The following ABCC4 variants were observed in gnomAD, a reference collection of about 807,000 sequenced individuals.
ABCC4 encodes ATP-binding cassette sub-family C member 4.
In ABCC4, 102 loss-of-function variants were observed where a neutral mutation model predicts 168.5. The observed-to-expected ratio is 0.61, with a 90% CI of 0.52 to 0.71. The LOEUF (loss-of-function observed/expected upper bound fraction) is 0.71. Among genes scored for constraint, ABCC4 ranks in the 30% least tolerant of loss-of-function variants. ABCC4 has a pLI of 0.00. For missense variants in ABCC4, 1,402 were observed against 1,605.8 expected, an observed-to-expected ratio of 0.87 and a Z score of 2.17; for synonymous variants, 617 against 590.7, an observed-to-expected ratio of 1.04 and a Z score of -0.65.
chr13:95,125,732 G>GC (rs2035736427), intron 19 of ABCC4, among the ~76,000 whole-genome samples: 1 of 152,138 alleles, frequency 6.6e-6, no homozygotes, highest in Admixed American at 6.5e-5. Flanking sequence ...CTGATAAATT[G>GC]CCTCGGGAAA....
chr13:95,184,324 C>G (rs890486025), intron 11 of ABCC4, among the ~76,000 whole-genome samples: 1 of 152,180 alleles, frequency 6.6e-6, no homozygotes, highest in Non-Finnish European at 1.5e-5. Flanking sequence ...AGAAGCTGAA[C>G]AGGTAAAAAG....
At chr13:95,052,515 T>C (rs1356576813) in intron 27 of ABCC4, among the ~76,000 whole-genome samples, 4 of 152,120 alleles carry the variant, frequency 2.6e-5, no homozygotes, top group Non-Finnish European at 5.9e-5. Flanking sequence ...ACATAAATAA[T>C]AGAAAAATCC....
rs185000303 is a variant in ABCC4 at position 95,263,778 on chromosome 13, G to A, written c.75-16025C>T. Among the ~76,000 whole-genome samples the A allele has an allele frequency of 5.1e-3, 767 of 151,592 alleles. 5 individuals are homozygous for A. Among genetic ancestry groups the A allele is most frequent in the Middle Eastern group, 0.017 (5 of 294 alleles). On this transcript the variant is annotated intron_variant, in intron 1 of 30. Transcript: ENST00000645237. ...GCAGAGGTTACAGTGAGCCGAGATC[G>A]TGCCACTGTACTTCAGCCTGGGTAA...
At position 95,252,075 on chromosome 13, in the gene ABCC4, A is replaced by G. The variant is rs7982900; in HGVS notation, c.75-4322T>C. Among the ~76,000 whole-genome samples the G allele has an allele frequency of 7.3e-3, 1,118 of 152,156 alleles. 13 individuals are homozygous for G. The highest frequency in any genetic ancestry group is 0.025 in the African/African-American group (1,031 of 41,508). ...TCAGATCTATTGTCATGGCATCACA[A>G]TACTGGTGTTCAAGTCACCCTTATT... On this transcript the variant is annotated intron_variant, in intron 1 of 30. Coordinates refer to ENST00000645237, the MANE Select transcript of ABCC4 (RefSeq NM_005845.5).
chr13:95,292,203 T>C (rs2041420739), intron 1 of ABCC4, among the ~76,000 whole-genome samples: 1 of 151,738 alleles, frequency 6.6e-6, no homozygotes, highest in East Asian at 1.9e-4. Flanking sequence ...ACAAAAAATA[T>C]AAAAAATTAG....
intron 4 of ABCC4, 22 bp from the exon 5 acceptor site, chr13:95,210,803 G>A: frequency 3.2e-6 from 5 of 1,583,584 alleles, no homozygotes; most frequent in Non-Finnish European, 4.3e-6. Context: ...GAGGTAAGTA[G>A]AGAATTGTAT....
intron 20 of ABCC4, among the ~76,000 whole-genome samples, chr13:95,085,427 G>A (rs748928325): frequency 2.0e-5 from 3 of 152,124 alleles, no homozygotes; most frequent in Admixed American, 2.0e-4. Context: ...ACGAGAAAGT[G>A]AGACTACATC....
chr13:95,119,095 T>A (rs1200456629), intron 19 of ABCC4, among the ~76,000 whole-genome samples: 1 of 152,214 alleles, frequency 6.6e-6, no homozygotes, highest in Non-Finnish European at 1.5e-5. Flanking sequence ...CTAGGTATTA[T>A]CTGCATATCT....
chr13:95,200,262 C>CA (rs1476647389), intron 8 of ABCC4, among the ~76,000 whole-genome samples: 1 of 152,110 alleles, frequency 6.6e-6, no homozygotes, highest in African/African-American at 2.4e-5. Context: ...TAGCATAGAC[C>CA]AAAACAGGTG....
intron 30 of ABCC4, among the ~76,000 whole-genome samples, chr13:95,028,843 A>G (rs2031672341): frequency 6.6e-6 from 1 of 152,126 alleles, no homozygotes; most frequent in African/African-American, 2.4e-5. Context: ...CAGAGTGGAA[A>G]AAGTATAAAT....
intron 25 of ABCC4, among the ~76,000 whole-genome samples, chr13:95,064,472 C>G (rs920959604): frequency 6.2e-5 from 9 of 144,814 alleles, no homozygotes; most frequent in Admixed American, 4.2e-4. Flanking sequence ...TATATTTTGT[C>G]TCTCTCACAC....
chr13:95,232,656 G>A (rs1406455643), intron 4 of ABCC4, among the ~76,000 whole-genome samples: 3 of 148,004 alleles, frequency 2.0e-5, no homozygotes, highest in Admixed American at 6.8e-5. Context: ...CAGCCTGGGC[G>A]ACAGAGCAAG....
rs1281593812 is a variant in ABCC4 at position 95,083,236 on chromosome 13, T to C, written c.2590A>G (p.Ile864Val). The change falls in exon 21 of 31, where the codon ATC becomes GTC. Residue 864 changes from isoleucine to valine, a missense_variant. Physicochemically the swap from Ile to Val is conservative, Grantham distance 29. Around this residue, in one of 3 missense-constraint regions of ABCC4, gnomAD observed 1,007 missense variants for 1,127.3 expected, o/e 0.89. Coordinates refer to ENST00000645237, the MANE Select transcript of ABCC4 (RefSeq NM_005845.5). ...CCAAGGGGAACCAAGGGTATTGCGA[T>C]CCAAGGAATCACGGCCACAGCCACA... ...VSVAVAVIPW[I>V]AIPLVPLGII... The C allele has an allele frequency of 6.2e-7, 1 of 1,614,022 alleles. No individual in the cohort carries two copies. Among genetic ancestry groups the C allele is most frequent in the South Asian group, 1.1e-5 (1 of 91,060 alleles).
intron 25 of ABCC4, among the ~76,000 whole-genome samples, chr13:95,063,070 C>T (rs563383170): frequency 5.3e-5 from 8 of 152,140 alleles, no homozygotes; most frequent in Admixed American, 3.3e-4. Context: ...GTGGGAGGTT[C>T]GCTAGCATCC....
At chr13:95,059,177 C>A (rs1256886915) in intron 26 of ABCC4, among the ~76,000 whole-genome samples, 1 of 152,186 alleles carries the variant, frequency 6.6e-6, no homozygotes, top group Non-Finnish European at 1.5e-5. Context: ...GGTTCAGGAA[C>A]TCAGGATCTG....
Position 95,124,767 on chromosome 13 carries a change from G to A in ABCC4, c.2456-8766C>T, listed in dbSNP as rs1226862558. Among the ~76,000 whole-genome samples the A allele has an allele frequency of 4.8e-5, 7 of 146,974 alleles. No homozygotes were observed. The Admixed American group carries it at 4.8e-4, about 10-fold the overall frequency. On this transcript the variant is annotated intron_variant, in intron 19 of 30. Transcript: ENST00000645237. ...ATGGTGGTGTGTGCCTGTAGTCCCG[G>A]CTACTCGTGAGGCTGAGGCAGAATT... is the stretch of plus-strand genomic sequence containing the variant.
At chr13:95,223,241 TC>T (rs1470079448) in intron 4 of ABCC4, among the ~76,000 whole-genome samples, 3 of 152,132 alleles carry the variant, frequency 2.0e-5, no homozygotes, top group Non-Finnish European at 4.4e-5. Context: ...CAATGTATCA[TC>T]CAAAATGTCC....
rs1566563714 is a variant in ABCC4 at position 95,244,659 on chromosome 13, AAGAAAGAAAG to A, written c.306+2306_306+2315del. On this transcript the variant is annotated intron_variant, in intron 3 of 30. Coordinates refer to ENST00000645237, the MANE Select transcript of ABCC4 (RefSeq NM_005845.5). Reference sequence around the variant, plus strand: ...AAAGAAAGAAAGAAAGAAAGAAAGAAAGAAAGAAAGAAATCATAGCAGTTCCTGGTACATA... The same window carrying A: ...AAAGAAAGAAAGAAAGAAAGAAAGAAAAATCATAGCAGTTCCTGGTACATA... 3.0e-4 allele frequency among the ~76,000 whole-genome samples: 23 copies of A among 76,082 alleles called. 3 individuals carry two copies. The highest frequency in any genetic ancestry group is 2.3e-3 in the East Asian group (7 of 3,054). 49.9% of individuals were successfully genotyped at this position (76,082 alleles called of 152,430 possible).
At chr13:95,052,880 A>C (rs12868310) in intron 27 of ABCC4, among the ~76,000 whole-genome samples, 14,903 of 152,266 alleles carry the variant, frequency 0.098, 972 homozygotes, top group Admixed American at 0.17. Flanking sequence ...GGACAACAGG[A>C]AGAAAATTAA....
Sources: allele counts gnomAD v4.1 joint callset (sites outside exome capture counted in the v4.1 genomes callset), GRCh38; gene constraint gnomAD v4.1.1; regional missense constraint gnomAD v4.1.1; transcripts MANE v1.5; gene names NCBI Gene and HGNC (gene_info 2026-07-23, HGNC 2026-07-21).